Variants in SLC9A2 observed in about 807,000 individuals in gnomAD.
SLC9A2 encodes the protein sodium/hydrogen exchanger 2.
SLC9A2 carries 42 observed loss-of-function variants against 71.7 expected under a neutral mutation model. The observed-to-expected ratio is 0.59, with a 90% CI of 0.46 to 0.76. The LOEUF (loss-of-function observed/expected upper bound fraction) is 0.76, where lower values mean the gene tolerates loss of function less well. SLC9A2 is among the 30% of genes least tolerant of loss of function. The pLI, the probability that SLC9A2 is intolerant of heterozygous loss-of-function variation, is 0.00. For synonymous variants in SLC9A2, 396 were observed against 392.5 expected (o/e 1.01, Z -0.10); for missense variants, 829 against 1,017.4 (o/e 0.81, Z 2.52).
At chr2:102,684,042 T>C in intron 4 of SLC9A2, 92 bp from the exon 5 acceptor site, 1 of 896,766 alleles carries the variant, frequency 1.1e-6, no homozygotes. Flanking sequence ...AAATCCTTTG[T>C]CCCCATCGCA....
intron 3 of SLC9A2, among the ~76,000 whole-genome samples, chr2:102,680,079 T>C (rs1174222390): frequency 1.4e-5 from 2 of 143,312 alleles, no homozygotes; most frequent in African/African-American, 4.9e-5. Flanking sequence ...TTTTGAAGTA[T>C]CTTTTGTATA....
At chr2:102,644,853 G>A (rs1273340822) in intron 1 of SLC9A2, among the ~76,000 whole-genome samples, 1 of 152,216 alleles carries the variant, frequency 6.6e-6, no homozygotes, top group Non-Finnish European at 1.5e-5. Context: ...CCCGCGAGAA[G>A]GGGCAGCTGC....
intron 3 of SLC9A2, among the ~76,000 whole-genome samples, chr2:102,667,249 C>A (rs1483967048): frequency 6.6e-6 from 1 of 152,182 alleles, no homozygotes. Context: ...TGGCCAGTGT[C>A]ATTGAAAATG....
At position 102,651,767 on chromosome 2, in the gene SLC9A2, T is replaced by A. The variant is rs529726707; in HGVS notation, c.290-5797T>A. Among the ~76,000 whole-genome samples the A allele has an allele frequency of 9.2e-5, 14 of 152,344 alleles. No individual in the cohort carries two copies. In the East Asian group the frequency reaches 2.5e-3, roughly 27 times the overall value. Reference sequence around the variant, plus strand: ...TAACACATTGCTACACCCCAGCACCTGAGGTCTCAATAAATGCATAATGAA... The same window carrying A: ...TAACACATTGCTACACCCCAGCACCAGAGGTCTCAATAAATGCATAATGAA... On this transcript the variant is annotated intron_variant, in intron 1 of 11. Coordinates refer to ENST00000233969, the MANE Select transcript of SLC9A2 (RefSeq NM_003048.6).
chr2:102,697,452 G>C (rs1677788190), intron 7 of SLC9A2: 1 of 151,838 alleles, frequency 6.6e-6, no homozygotes, highest in African/African-American at 2.4e-5. Flanking sequence ...AGCCAACCTT[G>C]CTCCATGCCT....
At chr2:102,663,872 T>C (rs1677089113) in intron 2 of SLC9A2, among the ~76,000 whole-genome samples, 4 of 152,152 alleles carry the variant, frequency 2.6e-5, no homozygotes, top group Admixed American at 2.6e-4. Context: ...GCCATGACTT[T>C]CCATTTCAGT....
intron 8 of SLC9A2, 42 bp from the exon 9 acceptor site, chr2:102,702,364 A>G: frequency 1.9e-6 from 2 of 1,077,902 alleles, no homozygotes; most frequent in East Asian, 2.4e-5. Context: ...TGATTCTAAT[A>G]TTTGTTGAAA....
intron 1 of SLC9A2, among the ~76,000 whole-genome samples, chr2:102,644,526 T>C (rs1281743319): frequency 6.6e-6 from 1 of 152,182 alleles, no homozygotes; most frequent in Admixed American, 6.5e-5. Flanking sequence ...GCTCAGCAGA[T>C]CCCACTCCTA....
At position 102,678,024 on chromosome 2, in the gene SLC9A2, A is replaced by G. The variant is rs533971440; in HGVS notation, c.1005-5237A>G. 2.6e-5 allele frequency among the ~76,000 whole-genome samples: 4 copies of G among 152,090 alleles called. No individual in the cohort carries two copies. In the South Asian group the frequency reaches 8.3e-4, roughly 32 times the overall value. On this transcript the variant is annotated intron_variant, in intron 3 of 11. Coordinates refer to ENST00000233969, the MANE Select transcript of SLC9A2 (RefSeq NM_003048.6). ...AATTACTCACTTCCTCTTTTTCCTG[A>G]TAGGTGAGCTTATCCATGAAGGTGT...
At chr2:102,672,118 A>G (rs935785934) in intron 3 of SLC9A2, among the ~76,000 whole-genome samples, 3 of 152,184 alleles carry the variant, frequency 2.0e-5, no homozygotes, top group African/African-American at 7.2e-5. Flanking sequence ...CAAAAAAATA[A>G]TAATAATAAA....
chr2:102,691,143 C>T (rs1048484341), intron 5 of SLC9A2, among the ~76,000 whole-genome samples: 2 of 152,224 alleles, frequency 1.3e-5, no homozygotes, highest in Non-Finnish European at 2.9e-5. Context: ...GTTCCTCTCC[C>T]TGCCCCTGCT....
At chr2:102,705,341 TA>T (rs1677953964) in intron 10 of SLC9A2, among the ~76,000 whole-genome samples, 2 of 152,178 alleles carry the variant, frequency 1.3e-5, no homozygotes, top group African/African-American at 2.4e-5. Flanking sequence ...ATTTTATGTG[TA>T]AAATGTAGCA....
In SLC9A2 at chr2:102,644,431, C is replaced by T. The variant is rs188354390; in HGVS notation, c.290-13133C>T. On this transcript the variant is annotated intron_variant, in intron 1 of 11. Transcript: ENST00000233969. ...GAGCTAGCTGCAGGAGGCTCCCCCC[C>T]GCCCAGTGGCTCCTGGAATGCCAGC... Among the ~76,000 whole-genome samples, 288 of 152,274 alleles carry T rather than the reference C, an allele frequency of 1.9e-3. 2 individuals carry two copies. Among genetic ancestry groups the T allele is most frequent in the Non-Finnish European group, 3.5e-3 (240 of 68,014 alleles).
chr2:102,648,615 C>T (rs1222318732), intron 1 of SLC9A2, among the ~76,000 whole-genome samples: 1 of 151,420 alleles, frequency 6.6e-6, no homozygotes, highest in Non-Finnish European at 1.5e-5. Flanking sequence ...AACCCAAAAA[C>T]TCCTAATAAG....
At chr2:102,690,683 A>G (rs1677641413) in intron 5 of SLC9A2, among the ~76,000 whole-genome samples, 1 of 152,174 alleles carries the variant, frequency 6.6e-6, no homozygotes, top group African/African-American at 2.4e-5. Context: ...CAGCTACTGC[A>G]ATGCTTTAAT....
At chr2:102,632,097 TATATACATATATATGTATATATAC>T (rs1277019222) in intron 1 of SLC9A2, among the ~76,000 whole-genome samples, 1 of 98,862 alleles carries the variant, frequency 1.0e-5, no homozygotes, top group African/African-American at 3.9e-5. Context: ...TATACACATA[TATATACATATATATGTATATATAC>T]ATATATACAT....
chr2:102,625,947 AG>A (rs1368494642), intron 1 of SLC9A2, among the ~76,000 whole-genome samples: 3 of 152,186 alleles, frequency 2.0e-5, no homozygotes, highest in Non-Finnish European at 2.9e-5. Flanking sequence ...ACAGTGTAAA[AG>A]TGTTCCTATT....
At chr2:102,666,355 C>T (rs188129671) in intron 3 of SLC9A2, among the ~76,000 whole-genome samples, 11 of 151,996 alleles carry the variant, frequency 7.2e-5, no homozygotes, top group Admixed American at 5.9e-4. Flanking sequence ...GCCACCACAC[C>T]GGGCTAATTT....
chr2:102,701,354 A>G (rs1388327388), intron 8 of SLC9A2, 123 bp downstream of exon 8: 7 of 731,020 alleles, frequency 9.6e-6, no homozygotes, highest in Non-Finnish European at 1.3e-5. Flanking sequence ...GGCCTCCCAG[A>G]GTGCTGGGAT....
Sources: gnomAD v4.1 joint callset for allele counts (sites outside exome capture counted in the v4.1 genomes callset) on GRCh38, gnomAD v4.1.1 for gene constraint, MANE v1.5 for transcripts, NCBI Gene and HGNC (gene_info 2026-07-23, HGNC 2026-07-21) for gene names.